SAFB2: variants seen among roughly 807,000 people sequenced by gnomAD.
The protein encoded by SAFB2 is scaffold attachment factor B2.
Under a neutral mutation model 100.6 loss-of-function variants are expected in SAFB2, and 32 were observed. The ratio of observed to expected loss-of-function variants is 0.32; its 90% CI spans 0.24 to 0.43. The LOEUF (loss-of-function observed/expected upper bound fraction) is 0.43, where lower values mean the gene tolerates loss of function less well. Among genes scored for constraint, SAFB2 ranks in the 20% least tolerant of loss-of-function variants. The probability of loss-of-function intolerance (pLI) is 1.00; values close to 1 mark genes in which losing one functional copy is unlikely to be tolerated. For synonymous variants in SAFB2, 500 were observed against 439.4 expected (o/e 1.14, Z -1.72); for missense variants, 1,185 against 1,163.4 (o/e 1.02, Z -0.27).
chr19:5,616,710 G>A (rs970196436), intron 2 of SAFB2, among the ~76,000 whole-genome samples: 5 of 137,500 alleles, frequency 3.6e-5, no homozygotes, highest in Admixed American at 8.1e-5. Context: ...GGAGTGCAGC[G>A]GCACAATCTC....
At position 5,587,135 on chromosome 19, in the gene SAFB2, G is replaced by A. The variant is rs1385056051; in HGVS notation, c.*108C>T. The A allele has an allele frequency of 1.4e-6, 2 of 1,435,758 alleles. No homozygotes were observed. Among genetic ancestry groups the A allele is most frequent in the Non-Finnish European group, 9.5e-7 (1 of 1,049,664 alleles). The allele number at this position is 1,435,758 out of a possible 1,614,324, so 88.9% of individuals were successfully genotyped here. On this transcript the variant is annotated 3_prime_UTR_variant, in exon 21 of 21. Coordinates refer to ENST00000252542, the MANE Select transcript of SAFB2 (RefSeq NM_014649.3). This position sits in a 1 kb window ranked among gnomAD's most constrained non-coding sequence, Gnocchi z 4.9. ...TCACATTGTATTGAGCTACAACATG[G>A]TGGCAGGATTTACTTTGCTTTTAAA...
intron 8 of SAFB2, chr19:5,610,404 T>C: frequency 1.7e-6 from 1 of 591,204 alleles, no homozygotes; most frequent in Non-Finnish European, 3.0e-6. Context: ...AGCAGAATTA[T>C]TCCTTTCTTG....
At chr19:5,598,547 GCT>G (rs905395223) in intron 13 of SAFB2, 2 of 529,578 alleles carry the variant, frequency 3.8e-6, no homozygotes, top group African/African-American at 3.8e-5. Flanking sequence ...GTGAACCAAT[GCT>G]CTGTCTGAAG....
chr19:5,610,593 T>C (rs1427989100), intron 8 of SAFB2, 46 bp downstream of exon 8: 3 of 1,415,572 alleles, frequency 2.1e-6, no homozygotes, highest in Middle Eastern at 3.5e-4. Flanking sequence ...CCTCCCAAAA[T>C]AAGGGAACCA....
At chr19:5,605,679 A>C (rs1446640100) in intron 9 of SAFB2, among the ~76,000 whole-genome samples, 1 of 152,210 alleles carries the variant, frequency 6.6e-6, no homozygotes, top group African/African-American at 2.4e-5. Flanking sequence ...CTTCTGGCTG[A>C]GATGGGAGAA....
chr19:5,591,506 C>T, intron 17 of SAFB2: 2 of 442,838 alleles, frequency 4.5e-6, no homozygotes, highest in Non-Finnish European at 8.2e-6. Flanking sequence ...TCTTGAACTC[C>T]TGACCTTGTG....
At chr19:5,593,376 T>C (rs1038517286) in intron 15 of SAFB2, among the ~76,000 whole-genome samples, 1 of 152,200 alleles carries the variant, frequency 6.6e-6, no homozygotes, top group Non-Finnish European at 1.5e-5. Flanking sequence ...ACCAGAAAAC[T>C]AGGCTCACGG....
Position 5,587,571 on chromosome 19 carries a change from A to C in SAFB2, c.2705+130T>G. ...GTAACTCAAGAGCGTTATTTGCATAAATTGCAAAGAGCTGCTTTTTGCTTT... is the reference window on the plus strand; with the variant it reads ...GTAACTCAAGAGCGTTATTTGCATACATTGCAAAGAGCTGCTTTTTGCTTT... On this transcript the variant is annotated intron_variant, in intron 20 of 20. Coordinates refer to ENST00000252542, the MANE Select transcript of SAFB2 (RefSeq NM_014649.3). This position sits in a 1 kb window ranked among gnomAD's most constrained non-coding sequence, Gnocchi z 4.9. 6.9e-7 allele frequency: 1 copy of C among 1,448,622 alleles called. No homozygotes were observed. Among genetic ancestry groups the C allele is most frequent in the South Asian group, 1.4e-5 (1 of 69,690 alleles). The allele number at this position is 1,448,622 out of a possible 1,614,324, so 89.7% of individuals were successfully genotyped here. A position where few individuals can be genotyped will look rare whatever the true frequency, so the allele number is the denominator to read the frequency against.
In SAFB2 at chr19:5,598,712, T is replaced by C. The variant is rs1222933530; in HGVS notation, c.1782+81A>G. On this transcript the variant is annotated intron_variant, in intron 13 of 20. Transcript: ENST00000252542. ...TTCAATTTTAAAGGCAAAACAGTGC[T>C]GTTTTCATAATGCGGATCAAACGGG... is the stretch of plus-strand genomic sequence containing the variant. 16 of 1,293,336 alleles carry C rather than the reference T, an allele frequency of 1.2e-5. 1 individual carries two copies. Among genetic ancestry groups the C allele is most frequent in the East Asian group, 7.0e-5 (3 of 43,154 alleles). 80.1% of individuals were successfully genotyped at this position (1,293,336 alleles called of 1,614,324 possible). A position where few individuals can be genotyped will look rare whatever the true frequency, so the allele number is the denominator to read the frequency against.
intron 9 of SAFB2, among the ~76,000 whole-genome samples, chr19:5,606,431 GC>G (rs2052776303): frequency 6.6e-6 from 1 of 152,186 alleles, no homozygotes; most frequent in Non-Finnish European, 1.5e-5. Context: ...TTCAAAACCA[GC>G]CTGGGCAACA....
chr19:5,600,304 G>C (rs746421058), intron 11 of SAFB2, 44 bp from the exon 12 acceptor site: 2 of 1,603,352 alleles, frequency 1.2e-6, no homozygotes, highest in Non-Finnish European at 8.5e-7. Context: ...ACAAGACTCT[G>C]TAACAGGAAC....
chr19:5,622,404 C>G (rs1392818776), intron 1 of SAFB2, 126 bp downstream of exon 1: 2 of 994,774 alleles, frequency 2.0e-6, no homozygotes, highest in Admixed American at 7.2e-5. Context: ...CCCGACACCT[C>G]GAACCGGGGT....
intron 1 of SAFB2, among the ~76,000 whole-genome samples, 166 bp from the exon 2 acceptor site, chr19:5,621,562 G>A (rs1389715580): frequency 6.6e-6 from 1 of 152,218 alleles, no homozygotes; most frequent in Non-Finnish European, 1.5e-5. Context: ...GAGGAACCCC[G>A]CACAACTTGG....
At chr19:5,609,967 G>A in intron 9 of SAFB2, 28 bp downstream of exon 9, 1 of 1,582,290 alleles carries the variant, frequency 6.3e-7, no homozygotes, top group Non-Finnish European at 8.7e-7. Context: ...GAATCACAGT[G>A]GATGGTATGA....
At chr19:5,599,874 G>T (rs1250102546) in intron 12 of SAFB2, among the ~76,000 whole-genome samples, 1 of 152,176 alleles carries the variant, frequency 6.6e-6, no homozygotes, top group Non-Finnish European at 1.5e-5. Context: ...CAAAGGCCCT[G>T]AAAAAGCCCA....
At chr19:5,589,953 A>G (rs73920022) in intron 18 of SAFB2, among the ~76,000 whole-genome samples, 13,696 of 152,240 alleles carry the variant, frequency 0.09, 940 homozygotes, top group African/African-American at 0.19. Flanking sequence ...CGGACGGGGC[A>G]GGACTAAGAG....
At chr19:5,592,921 C>A (rs2052444670) in intron 15 of SAFB2, 34 bp from the exon 16 acceptor site, 1 of 1,605,610 alleles carries the variant, frequency 6.2e-7, no homozygotes, top group Non-Finnish European at 8.5e-7. Flanking sequence ...ATACAAATTC[C>A]ATTAATGAGA....
chr19:5,590,209 T>A, intron 18 of SAFB2, 69 bp downstream of exon 18: 16 of 1,119,634 alleles, frequency 1.4e-5, no homozygotes, highest in Admixed American at 3.3e-5. Context: ...GGGACGTGCC[T>A]GGCCAGGCAC....
chr19:5,621,331 C>G lies in SAFB2; in HGVS notation c.252G>C (p.Lys84Asn). Residue 84 changes from lysine to asparagine, a missense_variant, in exon 2 of 21, where the codon AAG becomes AAC. Lys to Asn is a moderately conservative substitution (Grantham distance 94). Transcript: ENST00000252542. ...TACCTTTAACACATCTCTTGGCTGACTTCTTGCTGGTGGCTTCTAACTCGA... is the reference window on the plus strand; with the variant it reads ...TACCTTTAACACATCTCTTGGCTGAGTTCTTGCTGGTGGCTTCTAACTCGA... ...IGIELEATSKKSAKRCVKGLK... is the reference protein window; with the variant it reads ...IGIELEATSKNSAKRCVKGLK... 1 of 1,613,282 alleles carries G rather than the reference C, an allele frequency of 6.2e-7. No individual in the cohort carries two copies. Among genetic ancestry groups the G allele is most frequent in the South Asian group, 1.1e-5 (1 of 91,074 alleles).
Sources: gnomAD v4.1 joint callset for allele counts (sites outside exome capture counted in the v4.1 genomes callset) on GRCh38, gnomAD v4.1.1 for gene constraint, Gnocchi (gnomAD v3.1) non-coding constraint, MANE v1.5 for transcripts, NCBI Gene and HGNC (gene_info 2026-07-23, HGNC 2026-07-21) for gene names.